The following PTPRD variants were observed in gnomAD, a reference collection of about 807,000 sequenced individuals.
PTPRD encodes the protein protein tyrosine phosphatase receptor type D.
PTPRD carries 34 observed loss-of-function variants against 214.5 expected under a neutral mutation model. That is an observed-to-expected ratio of 0.16 (90% confidence interval 0.12 to 0.21). The LOEUF (loss-of-function observed/expected upper bound fraction) is 0.21, where lower values mean the gene tolerates loss of function less well. Ranked by LOEUF, PTPRD falls within the 10% of genes least tolerant of loss-of-function variation. The probability of loss-of-function intolerance (pLI) is 1.00; values close to 1 mark genes in which losing one functional copy is unlikely to be tolerated. For synonymous variants in PTPRD, 1,128 were observed against 845.7 expected (o/e 1.33, Z -5.79); for missense variants, 2,545 against 2,398.7 (o/e 1.06, Z -1.27).
intron 5 of PTPRD, among the ~76,000 whole-genome samples, chr9:9,855,790 G>A (rs2061442977): frequency 6.6e-6 from 1 of 152,196 alleles, no homozygotes; most frequent in South Asian, 2.1e-4. Flanking sequence ...GTCCAGGAGG[G>A]ATGCCTTCAA....
intron 30 of PTPRD, among the ~76,000 whole-genome samples, chr9:8,477,231 A>G (rs1399127760): frequency 1.3e-5 from 2 of 152,180 alleles, no homozygotes; most frequent in African/African-American, 2.4e-5. Flanking sequence ...GACTCAAAAC[A>G]GCTTTTCAAC....
At chr9:8,367,078 G>A (rs1256821824) in intron 39 of PTPRD, among the ~76,000 whole-genome samples, 2 of 152,160 alleles carry the variant, frequency 1.3e-5, no homozygotes, top group African/African-American at 4.8e-5. Flanking sequence ...CGTATGGTTT[G>A]TATGGTTGGT....
At chr9:8,505,161 C>T (rs1394411267) in intron 22 of PTPRD, among the ~76,000 whole-genome samples, 4 of 152,114 alleles carry the variant, frequency 2.6e-5, no homozygotes, top group African/African-American at 4.8e-5. Flanking sequence ...ACCTTCCGTG[C>T]TTAAAATTTG....
intron 8 of PTPRD, among the ~76,000 whole-genome samples, chr9:9,518,118 A>G (rs912642284): frequency 9.9e-5 from 15 of 152,044 alleles, no homozygotes; most frequent in African/African-American, 3.4e-4. Context: ...ATAAAATGTT[A>G]AAGTTCTCCC....
At chr9:10,287,606 C>T (rs533817134) in intron 3 of PTPRD, among the ~76,000 whole-genome samples, 6 of 152,186 alleles carry the variant, frequency 3.9e-5, no homozygotes, top group African/African-American at 1.2e-4. Flanking sequence ...AATGCAATAA[C>T]ACAAGCTCAA....
intron 8 of PTPRD, among the ~76,000 whole-genome samples, chr9:9,399,551 G>C (rs1033071682): frequency 2.0e-5 from 3 of 151,770 alleles, no homozygotes; most frequent in Admixed American, 2.0e-4. Flanking sequence ...GATATGGCTT[G>C]GCTGTGACCC....
intron 2 of PTPRD, among the ~76,000 whole-genome samples, chr9:10,346,135 C>G (rs1049071567): frequency 6.6e-6 from 1 of 152,168 alleles, no homozygotes; most frequent in African/African-American, 2.4e-5. Context: ...TAATAGGATT[C>G]TAAGCTCAAA....
chr9:9,094,373 C>A (rs918693177), intron 10 of PTPRD, among the ~76,000 whole-genome samples: 1 of 152,096 alleles, frequency 6.6e-6, no homozygotes, highest in East Asian at 1.9e-4. Context: ...TTTGCAGCAG[C>A]TTGGATGGAG....
chr9:9,654,321 G>T (rs1039862199), intron 7 of PTPRD, among the ~76,000 whole-genome samples: 3 of 152,024 alleles, frequency 2.0e-5, no homozygotes, highest in African/African-American at 7.2e-5. Flanking sequence ...CTTATAAAAA[G>T]TTTAATGCTT....
At chr9:9,490,103 A>G (rs2095836742) in intron 8 of PTPRD, among the ~76,000 whole-genome samples, 1 of 152,176 alleles carries the variant, frequency 6.6e-6, no homozygotes, top group Admixed American at 6.6e-5. Flanking sequence ...GTGGGTTAAT[A>G]TATTCAGAGT....
intron 2 of PTPRD, among the ~76,000 whole-genome samples, chr9:10,566,131 C>G (rs911692516): frequency 1.3e-5 from 2 of 151,912 alleles, no homozygotes; most frequent in Non-Finnish European, 2.9e-5. Flanking sequence ...TTTCTTTGCT[C>G]AGGTACTCAT....
At chr9:10,155,219 G>C (rs565487273) in intron 3 of PTPRD, among the ~76,000 whole-genome samples, 2 of 152,064 alleles carry the variant, frequency 1.3e-5, no homozygotes, top group East Asian at 3.9e-4. Context: ...TTTTGAATGA[G>C]ATAGCATTCC....
intron 2 of PTPRD, among the ~76,000 whole-genome samples, chr9:10,367,893 C>G (rs1598274403): frequency 6.6e-6 from 1 of 152,124 alleles, no homozygotes; most frequent in East Asian, 1.9e-4. Context: ...TTAAGAAAAT[C>G]TGCTTTACAT....
chr9:9,602,415 G>A (rs1014600834), intron 7 of PTPRD, among the ~76,000 whole-genome samples: 1 of 151,850 alleles, frequency 6.6e-6, no homozygotes, highest in Non-Finnish European at 1.5e-5. Flanking sequence ...TTTCTACAAT[G>A]TGTTAAGTAC....
chr9:9,807,003 T>C (rs570502888), intron 5 of PTPRD, among the ~76,000 whole-genome samples: 3 of 152,174 alleles, frequency 2.0e-5, no homozygotes, highest in East Asian at 1.9e-4. Flanking sequence ...AAAGACAATA[T>C]GTAAAAACCC....
At chr9:9,372,925 T>C (rs763356658) in intron 9 of PTPRD, among the ~76,000 whole-genome samples, 9 of 152,098 alleles carry the variant, frequency 5.9e-5, no homozygotes, top group Non-Finnish European at 8.8e-5. Flanking sequence ...CAAAGAGTAA[T>C]GCACACTCTC....
intron 3 of PTPRD, among the ~76,000 whole-genome samples, chr9:10,292,738 G>A (rs561914962): frequency 6.6e-6 from 1 of 150,846 alleles, no homozygotes; most frequent in East Asian, 2.0e-4. Context: ...TAACTTTCCG[G>A]CACTCTCCTG....
intron 3 of PTPRD, among the ~76,000 whole-genome samples, chr9:10,220,987 G>A (rs559182487): frequency 6.6e-6 from 1 of 151,980 alleles, no homozygotes; most frequent in African/African-American, 2.4e-5. Context: ...ATGGTACACA[G>A]AAGGTCACTG....
intron 2 of PTPRD, among the ~76,000 whole-genome samples, chr9:10,391,371 T>C (rs2098061437): frequency 6.6e-6 from 1 of 151,660 alleles, no homozygotes; most frequent in Non-Finnish European, 1.5e-5. Flanking sequence ...AGGGGCCTAA[T>C]ATAATGTTTT....
Sources: allele counts gnomAD v4.1 joint callset (sites outside exome capture counted in the v4.1 genomes callset), GRCh38; gene constraint gnomAD v4.1.1; transcripts MANE v1.5; gene names NCBI Gene and HGNC (gene_info 2026-07-23, HGNC 2026-07-21).